COL24A1: variants seen among roughly 807,000 people sequenced by gnomAD.
COL24A1 encodes collagen alpha-1(XXIV) chain.
Under a neutral mutation model 253.9 loss-of-function variants are expected in COL24A1, and 224 were observed. That is an observed-to-expected ratio of 0.88 (90% confidence interval 0.79 to 0.99). The LOEUF (loss-of-function observed/expected upper bound fraction) is 0.99, where lower values mean the gene tolerates loss of function less well. Among genes scored for constraint, COL24A1 ranks in the 50% least tolerant of loss-of-function variants. COL24A1 has a pLI of 0.00. For synonymous variants in COL24A1, 685 were observed against 673.7 expected, an observed-to-expected ratio of 1.02 and a Z score of -0.26; for missense variants, 2,131 against 2,068.5, an observed-to-expected ratio of 1.03 and a Z score of -0.59.
chr1:86,005,211 A>G (rs1019381023), intron 19 of COL24A1, among the ~76,000 whole-genome samples: 2 of 152,202 alleles, frequency 1.3e-5, no homozygotes, highest in African/African-American at 4.8e-5. Context: ...AGATACAGCA[A>G]ATCTAAATAA....
chr1:85,825,458 C>G (rs574696999), intron 43 of COL24A1, among the ~76,000 whole-genome samples: 249 of 152,306 alleles, frequency 1.6e-3, no homozygotes, highest in Non-Finnish European at 2.8e-3. Flanking sequence ...ATGGCTGGGT[C>G]AAATGATATT....
Position 85,911,030 on chromosome 1 carries a change from G to A in COL24A1, c.2616+350C>T, listed in dbSNP as rs116717987. Among the ~76,000 whole-genome samples the A allele has an allele frequency of 2.5e-3, 383 of 151,872 alleles. 3 individuals are homozygous for A. Among genetic ancestry groups the A allele is most frequent in the African/African-American group, 8.9e-3 (370 of 41,472 alleles). On this transcript the variant is annotated intron_variant, in intron 25 of 59. Transcript: ENST00000370571. The stretch of plus-strand genomic sequence containing the variant: ...AAGCACAAGATGGGGAGAGAGAAAG[G>A]TAAAATGGTAACTTATTCTTCTTTT...
intron 50 of COL24A1, among the ~76,000 whole-genome samples, 165 bp downstream of exon 50, chr1:85,783,948 T>C (rs1441320936): frequency 1.3e-5 from 2 of 152,206 alleles, no homozygotes; most frequent in Admixed American, 1.3e-4. Flanking sequence ...GGAAAATGTA[T>C]AGTTACATAA....
intron 5 of COL24A1, among the ~76,000 whole-genome samples, chr1:86,098,878 A>G (rs1008542404): frequency 5.3e-5 from 8 of 152,196 alleles, no homozygotes; most frequent in African/African-American, 1.9e-4. Context: ...TATCCAGTAT[A>G]TACAAAATCT....
intron 24 of COL24A1, among the ~76,000 whole-genome samples, chr1:85,941,631 A>T (rs1179451501): frequency 3.3e-5 from 5 of 151,998 alleles, no homozygotes; most frequent in African/African-American, 4.8e-5. Flanking sequence ...ACTTTTTTTT[A>T]AAAAAATGGA....
rs1274720702 is a variant in COL24A1, at chr1:85,969,096, G to A, written c.2463+1131C>T. 3.9e-5 allele frequency among the ~76,000 whole-genome samples: 6 copies of A among 152,288 alleles called. No homozygotes were observed. In the East Asian group the frequency reaches 9.6e-4, roughly 24 times the overall value. On this transcript the variant is annotated intron_variant, in intron 22 of 59. Transcript: ENST00000370571. ...TAATATTAAGACTGTGTAGACCAGA[G>A]TTGAATATGGTTCTCCTGTTTTCGA...
At chr1:85,769,446 G>A (rs1667730604) in intron 53 of COL24A1, among the ~76,000 whole-genome samples, 1 of 152,076 alleles carries the variant, frequency 6.6e-6, no homozygotes, top group Non-Finnish European at 1.5e-5. Flanking sequence ...ACACGTGCCA[G>A]GCATTGTACT....
intron 24 of COL24A1, among the ~76,000 whole-genome samples, chr1:85,930,085 G>C (rs1307731078): frequency 9.0e-4 from 63 of 70,110 alleles, no homozygotes; most frequent in Admixed American, 2.3e-3. Flanking sequence ...ACTAAAATCA[G>C]AGCAGAACTG....
Position 85,734,045 on chromosome 1 carries a change from G to C in COL24A1, c.4998+704C>G, listed in dbSNP as rs887007424. Reference sequence around the variant, plus strand: ...AGTCTCCCAGGTAGCTGGGATCACAGGTACCTGCCACCATGCCTGGCTAAT... The same window carrying C: ...AGTCTCCCAGGTAGCTGGGATCACACGTACCTGCCACCATGCCTGGCTAAT... On this transcript the variant is annotated intron_variant, in intron 59 of 59. Transcript: ENST00000370571. 2.6e-5 allele frequency among the ~76,000 whole-genome samples: 4 copies of C among 151,372 alleles called. No individual in the cohort carries two copies. In the East Asian group the frequency reaches 5.8e-4, roughly 22 times the overall value.
At chr1:85,758,332 G>T (rs887888482) in intron 55 of COL24A1, among the ~76,000 whole-genome samples, 1 of 152,012 alleles carries the variant, frequency 6.6e-6, no homozygotes, top group Non-Finnish European at 1.5e-5. Flanking sequence ...CCATTAATTG[G>T]AATACATCAG....
intron 23 of COL24A1, among the ~76,000 whole-genome samples, chr1:85,961,942 GACAC>G (rs1340965460): frequency 6.6e-6 from 1 of 152,052 alleles, no homozygotes; most frequent in Non-Finnish European, 1.5e-5. Context: ...GTTGGGCAGG[GACAC>G]AAATCCAAAC....
chr1:86,034,646 T>G (rs1698858963), intron 12 of COL24A1, among the ~76,000 whole-genome samples: 1 of 152,118 alleles, frequency 6.6e-6, no homozygotes, highest in African/African-American at 2.4e-5. Flanking sequence ...ATAATACACA[T>G]AAATACTACA....
rs149807871 is a variant in COL24A1 at position 85,807,290 on chromosome 1, C to T, written c.3951+9498G>A. The stretch of plus-strand genomic sequence containing the variant: ...GATAACTCTATTATTGCAATCGAAT[C>T]AGCTACCCTCTAACCACAGCCCCTG... On this transcript the variant is annotated intron_variant, in intron 47 of 59. Transcript: ENST00000370571. Among the ~76,000 whole-genome samples, 1,384 of 152,304 alleles carry T rather than the reference C, an allele frequency of 9.1e-3. 60 individuals carry two copies. Among genetic ancestry groups the T allele is most frequent in the Admixed American group, 0.065 (987 of 15,290 alleles).
intron 7 of COL24A1, among the ~76,000 whole-genome samples, chr1:86,067,457 T>G (rs1207403351): frequency 1.3e-5 from 2 of 152,182 alleles, no homozygotes; most frequent in African/African-American, 4.8e-5. Flanking sequence ...ACATAGTTGT[T>G]GCTTATTAAT....
chr1:86,086,639 GT>G (rs1356835974), intron 7 of COL24A1, among the ~76,000 whole-genome samples: 1 of 152,100 alleles, frequency 6.6e-6, no homozygotes, highest in East Asian at 1.9e-4. Flanking sequence ...TCCACCAGAT[GT>G]GTAGAAATCA....
At chr1:86,044,183 T>G (rs1699726676) in intron 12 of COL24A1, among the ~76,000 whole-genome samples, 3 of 152,208 alleles carry the variant, frequency 2.0e-5, no homozygotes, top group Admixed American at 2.0e-4. Context: ...TCATGGAATT[T>G]TAACCATCTA....
chr1:85,872,632 C>A (rs1165048772), intron 35 of COL24A1, among the ~76,000 whole-genome samples: 1 of 152,056 alleles, frequency 6.6e-6, no homozygotes, highest in Non-Finnish European at 1.5e-5. Context: ...ACTGGCTAGC[C>A]ATATGTAGAA....
At chr1:85,939,051 T>C (rs756025546) in intron 24 of COL24A1, among the ~76,000 whole-genome samples, 1 of 152,116 alleles carries the variant, frequency 6.6e-6, no homozygotes, top group African/African-American at 2.4e-5. Flanking sequence ...GAAAATCCAA[T>C]GTGTGCTCAC....
At chr1:85,914,493 C>A (rs539436058) in intron 24 of COL24A1, among the ~76,000 whole-genome samples, 5 of 151,456 alleles carry the variant, frequency 3.3e-5, no homozygotes, top group South Asian at 4.2e-4. Flanking sequence ...TGGCTTCAAG[C>A]GATTCTCCTG....
Sources: allele counts gnomAD v4.1 joint callset (sites outside exome capture counted in the v4.1 genomes callset), GRCh38; gene constraint gnomAD v4.1.1; transcripts MANE v1.5; gene names NCBI Gene and HGNC (gene_info 2026-07-23, HGNC 2026-07-21).